PTPRG: variants seen among roughly 807,000 people sequenced by gnomAD.
The protein encoded by PTPRG is protein tyrosine phosphatase receptor type G, also known as receptor-type tyrosine-protein phosphatase gamma.
Under a neutral mutation model 165.3 loss-of-function variants are expected in PTPRG, and 102 were observed. The observed-to-expected ratio is 0.62, with a 90% CI of 0.53 to 0.73. The LOEUF (loss-of-function observed/expected upper bound fraction) is 0.73. Among genes scored for constraint, PTPRG ranks in the 30% least tolerant of loss-of-function variants. PTPRG has a pLI of 0.00. For synonymous variants in PTPRG, 675 were observed against 669.5 expected (o/e 1.01, Z -0.13); for missense variants, 1,866 against 1,861.4 (o/e 1.00, Z -0.05).
chr3:62,026,351 C>A (rs1052987271), intron 4 of PTPRG, among the ~76,000 whole-genome samples: 1 of 152,052 alleles, frequency 6.6e-6, no homozygotes, highest in Non-Finnish European at 1.5e-5. Context: ...TTTTTACTTC[C>A]TAGACAAGCT....
chr3:61,884,238 C>T (rs542711132), intron 2 of PTPRG, among the ~76,000 whole-genome samples: 2 of 152,078 alleles, frequency 1.3e-5, no homozygotes, highest in Non-Finnish European at 2.9e-5. Context: ...CAATCAAATG[C>T]TGTAAGTGGC....
At chr3:61,678,981 C>T (rs1393874111) in intron 1 of PTPRG, among the ~76,000 whole-genome samples, 2 of 151,858 alleles carry the variant, frequency 1.3e-5, no homozygotes, top group African/African-American at 4.8e-5. Flanking sequence ...TTTTTTCCCC[C>T]CGTTAAGTGA....
intron 1 of PTPRG, among the ~76,000 whole-genome samples, chr3:61,591,461 C>T (rs1559515080): frequency 6.6e-6 from 1 of 152,210 alleles, no homozygotes; most frequent in African/African-American, 2.4e-5. Flanking sequence ...TCTGCTGTGT[C>T]ACTGGGCCTG....
chr3:61,789,657 A>G (rs1203934228), intron 2 of PTPRG, among the ~76,000 whole-genome samples: 5 of 152,220 alleles, frequency 3.3e-5, no homozygotes, highest in Non-Finnish European at 7.3e-5. Context: ...ATGACCTGAT[A>G]TATCTAAAGA....
chr3:62,207,498 A>G (rs1700259056), intron 12 of PTPRG, among the ~76,000 whole-genome samples: 1 of 152,220 alleles, frequency 6.6e-6, no homozygotes, highest in Non-Finnish European at 1.5e-5. Context: ...TGAAATCGCC[A>G]TCATTTTAAT....
chr3:62,121,367 A>G (rs778710732), intron 5 of PTPRG, among the ~76,000 whole-genome samples: 8 of 152,224 alleles, frequency 5.3e-5, no homozygotes, highest in Non-Finnish European at 1.0e-4. Context: ...TAACAACCCT[A>G]TGAGGTTTTT....
At position 62,157,218 on chromosome 3, in the gene PTPRG, C is replaced by T. The variant is rs1704572224; in HGVS notation, c.834C>T (p.Tyr278=). 1.2e-6 allele frequency: 2 copies of T among 1,613,298 alleles called. No homozygotes were observed. Among genetic ancestry groups the T allele is most frequent in the Non-Finnish European group, 1.7e-6 (2 of 1,179,374 alleles). The stretch of plus-strand genomic sequence containing the variant: ...TCCGGAGACCCGTCCCCATCTCTTA[C>T]CATCAGGTAGATATTCTTCCTCAAG... The part of the protein sequence containing the change: ...IVFRRPVPIS[Y]HQLEAFYSIF... The change falls in exon 7 of 30, where the codon TAC becomes TAT. Residue 278 remains tyrosine, a synonymous_variant. Coordinates refer to ENST00000474889, the MANE Select transcript of PTPRG (RefSeq NM_002841.4).
intron 2 of PTPRG, among the ~76,000 whole-genome samples, chr3:61,825,896 C>A (rs932997661): frequency 1.3e-5 from 2 of 151,708 alleles, no homozygotes; most frequent in African/African-American, 4.8e-5. Flanking sequence ...AGTAATTTTC[C>A]TGCCTCAGCC....
chr3:61,611,987 G>A (rs572946108), intron 1 of PTPRG, among the ~76,000 whole-genome samples: 1 of 152,286 alleles, frequency 6.6e-6, no homozygotes, highest in African/African-American at 2.4e-5. Context: ...CCATTGCCCA[G>A]GCTGGAGTGC....
chr3:62,031,328 A>T (rs1401340790), intron 4 of PTPRG, among the ~76,000 whole-genome samples: 1 of 152,218 alleles, frequency 6.6e-6, no homozygotes, highest in Non-Finnish European at 1.5e-5. Flanking sequence ...CGGAAAGAAT[A>T]TAGAGGAGTT....
chr3:61,927,898 C>T (rs2039263650), intron 2 of PTPRG, among the ~76,000 whole-genome samples: 2 of 152,166 alleles, frequency 1.3e-5, no homozygotes, highest in South Asian at 4.2e-4. Flanking sequence ...GGACATTTTC[C>T]CCCCTTTCCA....
At chr3:62,012,269 TCGAA>T in intron 4 of PTPRG, among the ~76,000 whole-genome samples, 1 of 152,202 alleles carries the variant, frequency 6.6e-6, no homozygotes, top group Non-Finnish European at 1.5e-5. Context: ...GAATCTGGGC[TCGAA>T]TATCTCCAAC....
intron 1 of PTPRG, among the ~76,000 whole-genome samples, chr3:61,573,495 T>C (rs1296624242): frequency 6.6e-6 from 1 of 152,244 alleles, no homozygotes; most frequent in Non-Finnish European, 1.5e-5. Context: ...CTTTTGACTA[T>C]TACAGATGGA....
At chr3:62,125,554 C>G (rs1035957265) in intron 5 of PTPRG, among the ~76,000 whole-genome samples, 1 of 152,020 alleles carries the variant, frequency 6.6e-6, no homozygotes, top group East Asian at 1.9e-4. Context: ...CAGTGTATGG[C>G]GGGATTATTA....
chr3:62,186,567 C>CCTTTTT (rs1705895088), intron 8 of PTPRG, among the ~76,000 whole-genome samples: 1 of 117,542 alleles, frequency 8.5e-6, no homozygotes, highest in African/African-American at 3.5e-5. Flanking sequence ...TTTTCTTTTC[C>CCTTTTT]TTTTTTTTTT....
At chr3:61,903,209 G>A (rs1221605543) in intron 2 of PTPRG, among the ~76,000 whole-genome samples, 2 of 152,062 alleles carry the variant, frequency 1.3e-5, no homozygotes, top group Non-Finnish European at 2.9e-5. Flanking sequence ...AGATTCCCCA[G>A]CGAATCCCAT....
intron 4 of PTPRG, among the ~76,000 whole-genome samples, chr3:62,009,684 C>T (rs1321377272): frequency 1.3e-5 from 2 of 152,250 alleles, no homozygotes; most frequent in Middle Eastern, 3.4e-3. Context: ...CTGGTAAGCA[C>T]GTCCAGTTGT....
chr3:61,900,810 G>A (rs1055700446), intron 2 of PTPRG, among the ~76,000 whole-genome samples: 5 of 152,082 alleles, frequency 3.3e-5, no homozygotes, highest in Admixed American at 2.6e-4. Flanking sequence ...AAAAAAAATC[G>A]TAGGTGGCAG....
intron 1 of PTPRG, among the ~76,000 whole-genome samples, chr3:61,660,989 T>C (rs1438633405): frequency 6.6e-6 from 1 of 152,030 alleles, no homozygotes; most frequent in African/African-American, 2.4e-5. Flanking sequence ...GGCCATAGAG[T>C]GAGACTCCAT....
Sources: gnomAD v4.1 joint callset for allele counts (sites outside exome capture counted in the v4.1 genomes callset) on GRCh38, gnomAD v4.1.1 for gene constraint, MANE v1.5 for transcripts, NCBI Gene and HGNC (gene_info 2026-07-23, HGNC 2026-07-21) for gene names.